The following UBE2E2 variants were observed in gnomAD, a reference collection of about 807,000 sequenced individuals.
UBE2E2 encodes ubiquitin-conjugating enzyme E2 E2.
Under a neutral mutation model 24.7 loss-of-function variants are expected in UBE2E2, and 6 were observed. The observed-to-expected ratio is 0.24, with a 90% confidence interval of 0.13 to 0.48. UBE2E2 has a LOEUF of 0.48. Among genes scored for constraint, UBE2E2 ranks in the 20% least tolerant of loss-of-function variants. The pLI is 0.99. For missense variants in UBE2E2, 169 were observed against 245.0 expected, an observed-to-expected ratio of 0.69 and a Z score of 2.07; for synonymous variants, 104 against 83.6, an observed-to-expected ratio of 1.24 and a Z score of -1.33.
intron 3 of UBE2E2, among the ~76,000 whole-genome samples, chr3:23,340,090 T>C (rs938028964): frequency 6.6e-6 from 1 of 152,094 alleles, no homozygotes; most frequent in African/African-American, 2.4e-5. Flanking sequence ...AGGACCTACG[T>C]AGTTAACCTA....
At chr3:23,320,380 A>G (rs1357193395) in intron 3 of UBE2E2, among the ~76,000 whole-genome samples, 3 of 152,134 alleles carry the variant, frequency 2.0e-5, no homozygotes, top group African/African-American at 7.2e-5. Flanking sequence ...TTTCTTAGTA[A>G]TGACTTTATT....
At chr3:23,455,602 G>C (rs1698660913) in intron 3 of UBE2E2, among the ~76,000 whole-genome samples, 5 of 152,044 alleles carry the variant, frequency 3.3e-5, no homozygotes, top group Admixed American at 3.3e-4. Flanking sequence ...TTAGGCGGAG[G>C]ATCACTTGAG....
At chr3:23,352,783 A>G (rs531991191) in intron 3 of UBE2E2, among the ~76,000 whole-genome samples, 20 of 152,308 alleles carry the variant, frequency 1.3e-4, no homozygotes, top group Non-Finnish European at 2.2e-4. Flanking sequence ...AGATGGATTC[A>G]CAGCCGAATT....
At chr3:23,446,652 G>C (rs1008625069) in intron 3 of UBE2E2, among the ~76,000 whole-genome samples, 8 of 149,828 alleles carry the variant, frequency 5.3e-5, no homozygotes, top group Non-Finnish European at 1.0e-4. Context: ...TTACTACTGG[G>C]GATTCTACCA....
chr3:23,382,724 G>T (rs1391852356), intron 3 of UBE2E2, among the ~76,000 whole-genome samples: 3 of 152,010 alleles, frequency 2.0e-5, no homozygotes, highest in African/African-American at 7.3e-5. Flanking sequence ...TAAGATCCAT[G>T]GTTTGAATAC....
intron 3 of UBE2E2, among the ~76,000 whole-genome samples, chr3:23,324,001 A>C (rs747132282): frequency 3.9e-4 from 59 of 152,206 alleles, no homozygotes; most frequent in Non-Finnish European, 7.5e-4. Context: ...TGAATGAACA[A>C]ATGGTACATG....
At chr3:23,401,729 G>A (rs1027587288) in intron 3 of UBE2E2, among the ~76,000 whole-genome samples, 1 of 151,856 alleles carries the variant, frequency 6.6e-6, no homozygotes, top group African/African-American at 2.4e-5. Flanking sequence ...CGCCTAGGCT[G>A]TAGTCCAGTG....
chr3:23,400,639 C>T (rs921449522), intron 3 of UBE2E2, among the ~76,000 whole-genome samples: 2 of 149,352 alleles, frequency 1.3e-5, no homozygotes, highest in Admixed American at 6.7e-5. Context: ...CACACACACA[C>T]ACATCTCAGG....
At chr3:23,568,627 A>G (rs1290577022) in intron 5 of UBE2E2, among the ~76,000 whole-genome samples, 4 of 147,866 alleles carry the variant, frequency 2.7e-5, no homozygotes, top group African/African-American at 4.9e-5. Context: ...ACACATATAT[A>G]TATGTATACA....
At chr3:23,522,378 C>G (rs547663932) in intron 4 of UBE2E2, among the ~76,000 whole-genome samples, 6 of 152,094 alleles carry the variant, frequency 3.9e-5, no homozygotes, top group African/African-American at 1.4e-4. Flanking sequence ...GTGATCTGCC[C>G]GCCTCGGCCT....
At chr3:23,548,372 CA>C in intron 5 of UBE2E2, among the ~76,000 whole-genome samples, 1 of 152,244 alleles carries the variant, frequency 6.6e-6, no homozygotes, top group East Asian at 1.9e-4. Flanking sequence ...AATATAAAAA[CA>C]ATTTATCTAT....
chr3:23,488,531 G>A (rs141814259), intron 3 of UBE2E2, among the ~76,000 whole-genome samples: 287 of 152,142 alleles, frequency 1.9e-3, no homozygotes, highest in Admixed American at 5.4e-3. Flanking sequence ...CTTCTAAATG[G>A]AATTTTTACT....
At chr3:23,413,888 G>C (rs1040762464) in intron 3 of UBE2E2, among the ~76,000 whole-genome samples, 1 of 152,098 alleles carries the variant, frequency 6.6e-6, no homozygotes, top group Non-Finnish European at 1.5e-5. Flanking sequence ...TAGCAACTAA[G>C]CATTCAAGAG....
intron 3 of UBE2E2, among the ~76,000 whole-genome samples, chr3:23,493,349 C>T (rs541195512): frequency 7.2e-5 from 11 of 152,290 alleles, no homozygotes; most frequent in South Asian, 2.1e-4. Context: ...CATAGGGGCT[C>T]ATCCACTGTA....
At chr3:23,413,074 A>G (rs1845900) in intron 3 of UBE2E2, among the ~76,000 whole-genome samples, 24,076 of 150,702 alleles carry the variant, frequency 0.16, 2,254 homozygotes, top group African/African-American at 0.25. Flanking sequence ...GAGGAATAGC[A>G]TTAGGAGATA....
chr3:23,210,679 C>A (rs946335908), intron 2 of UBE2E2, among the ~76,000 whole-genome samples: 1 of 152,120 alleles, frequency 6.6e-6, no homozygotes, highest in East Asian at 1.9e-4. Context: ...ATGTGCAGAG[C>A]GCAGCGCAGT....
At position 23,294,628 on chromosome 3, in the gene UBE2E2, T is replaced by C. The variant is rs538000978; in HGVS notation, c.227+77316T>C. 7.4e-4 allele frequency among the ~76,000 whole-genome samples: 109 copies of C among 147,688 alleles called. 1 individual carries two copies. Among genetic ancestry groups the C allele is most frequent in the African/African-American group, 2.5e-3 (104 of 40,888 alleles). The stretch of plus-strand genomic sequence containing the variant: ...TTATTTTATTAGATATTTTATTAGA[T>C]ATTTTTGTATCTTTAGATTATTTTA... On this transcript the variant is annotated intron_variant, in intron 3 of 5. Transcript: ENST00000396703.
chr3:23,203,535 C>A, intron 1 of UBE2E2, 71 bp downstream of exon 1: 1 of 891,740 alleles, frequency 1.1e-6, no homozygotes, highest in Non-Finnish European at 1.3e-6. Context: ...CCTCCTCACT[C>A]CCCCGACCTC....
intron 3 of UBE2E2, among the ~76,000 whole-genome samples, chr3:23,284,398 T>A (rs1345370820): frequency 6.6e-6 from 1 of 152,180 alleles, no homozygotes; most frequent in African/African-American, 2.4e-5. Flanking sequence ...TAAAATAACG[T>A]AAGGTGATCT....
Sources: allele counts gnomAD v4.1 joint callset (sites outside exome capture counted in the v4.1 genomes callset), GRCh38; gene constraint gnomAD v4.1.1; transcripts MANE v1.5; gene names NCBI Gene and HGNC (gene_info 2026-07-23, HGNC 2026-07-21).